Variants in MEIG1 observed in about 807,000 individuals in gnomAD.
The protein encoded by MEIG1 is meiosis expressed gene 1 protein homolog.
Under a neutral mutation model 11.3 loss-of-function variants are expected in MEIG1, and 12 were observed. The ratio of observed to expected loss-of-function variants is 1.07; its 90% CI spans 0.68 to 1.73. The LOEUF (loss-of-function observed/expected upper bound fraction) is 1.73. Among genes scored for constraint, MEIG1 ranks in the 40% most tolerant of loss-of-function variants. The pLI is 0.00. For synonymous variants in MEIG1, 41 were observed against 33.2 expected (o/e 1.24, Z -0.81); for missense variants, 119 against 104.9 (o/e 1.13, Z -0.59).
chr10:14,962,580 G>A (rs1211051134), intron 1 of MEIG1, among the ~76,000 whole-genome samples: 2 of 152,112 alleles, frequency 1.3e-5, no homozygotes, highest in Non-Finnish European at 2.9e-5. Flanking sequence ...AGTGACAAAA[G>A]GTTACATAGA....
chr10:14,956,421 A>AT (rs572736974), upstream of MEIG1, among the ~76,000 whole-genome samples: 556 of 82,274 alleles, frequency 6.8e-3, no homozygotes, highest in African/African-American at 0.024. Context: ...TCTACTAAAA[A>AT]TAAAAAAAAA....
downstream of MEIG1, among the ~76,000 whole-genome samples, chr10:14,974,478 C>A (rs1413360051): frequency 6.6e-6 from 1 of 152,094 alleles, no homozygotes; most frequent in Admixed American, 6.5e-5. Context: ...CTCTCCACTA[C>A]GTGACCATCC....
rs770373262 is a variant in MEIG1, at chr10:14,972,509, G to T, written c.139-4G>T. On this transcript the variant is annotated splice_region_variant and splice_polypyrimidine_tract_variant and intron_variant, in intron 2 of 2. Coordinates refer to ENST00000407572, the MANE Select transcript of MEIG1 (RefSeq NM_001080836.3). ...ACGTTTGTACTCTGGTTCTTGATGTGCAGGTAGATCGTTGGCCGGAGACAG... is the reference window on the plus strand; with the variant it reads ...ACGTTTGTACTCTGGTTCTTGATGTTCAGGTAGATCGTTGGCCGGAGACAG... 13 of 1,613,848 alleles carry T rather than the reference G, an allele frequency of 8.1e-6. No homozygotes were observed. Among genetic ancestry groups the T allele is most frequent in the Non-Finnish European group, 8.5e-7 (1 of 1,179,928 alleles).
At chr10:14,973,769 C>CAAAAAAAAA (rs59507280), downstream of MEIG1, among the ~76,000 whole-genome samples, 1 of 90,458 alleles carries the variant, frequency 1.1e-5, no homozygotes, top group Non-Finnish European at 2.1e-5. Flanking sequence ...GACTCCATCT[C>CAAAAAAAAA]AAAAAAAAAA....
upstream of MEIG1, among the ~76,000 whole-genome samples, chr10:14,957,337 C>A (rs368613994): frequency 4.6e-5 from 7 of 152,202 alleles, no homozygotes; most frequent in African/African-American, 1.4e-4. Context: ...AGACACTGTG[C>A]TCTCTGACAA....
intron 2 of MEIG1, chr10:14,987,172 C>A (rs1291855933): frequency 5.4e-6 from 5 of 933,398 alleles, no homozygotes; most frequent in Admixed American, 4.1e-5. Flanking sequence ...CTCTGCTATG[C>A]GACTGCATGT....
chr10:14,974,537 G>A (rs1589213094), downstream of MEIG1, among the ~76,000 whole-genome samples: 7 of 152,154 alleles, frequency 4.6e-5, no homozygotes, highest in Admixed American at 2.6e-4. Flanking sequence ...TTGGATCCCC[G>A]TTTTGGGTCG....
intron 2 of MEIG1, among the ~76,000 whole-genome samples, chr10:14,968,121 A>C (rs1020568087): frequency 6.6e-6 from 1 of 152,166 alleles, no homozygotes; most frequent in African/African-American, 2.4e-5. Flanking sequence ...TAATGTGTAG[A>C]TTTTGCAGAT....
intron 1 of MEIG1, among the ~76,000 whole-genome samples, chr10:14,965,515 C>T (rs1382409990): frequency 1.3e-5 from 2 of 152,116 alleles, no homozygotes; most frequent in Non-Finnish European, 2.9e-5. Flanking sequence ...CATTTTCTCA[C>T]ATTAGTTCAT....
In MEIG1 at chr10:14,985,804, A is replaced by C. The variant is rs142884346; in HGVS notation, n.67-992A>C. On this transcript the variant is annotated intron_variant and non_coding_transcript_variant, in intron 1 of 2. Coordinates refer to the MEIG1 transcript ENST00000467536. The stretch of plus-strand genomic sequence containing the variant: ...TTTGTAATCCCCTAGAGAGATATTA[A>C]TTCAAATATCACAGTGGATGTACAC... 8.7e-3 allele frequency among the ~76,000 whole-genome samples: 1,326 copies of C among 152,160 alleles called. 23 individuals carry two copies. The highest frequency in any genetic ancestry group is 0.031 in the African/African-American group (1,267 of 41,490).
chr10:14,954,431 C>G, upstream of MEIG1: 1 of 305,008 alleles, frequency 3.3e-6, no homozygotes, highest in East Asian at 8.0e-5. Context: ...TTCTTCGTTC[C>G]GCTTCCTGCT....
Position 14,959,483 on chromosome 10 carries a change from C to A in MEIG1, c.-104C>A, listed in dbSNP as rs1842986001. ...TAGAGAACGCAAGCACCCACGCCCG[C>A]CTGCAAGCTCCCGGGCGCCCCCGGC... On this transcript the variant is annotated 5_prime_UTR_variant, in exon 1 of 3. Coordinates refer to ENST00000407572, the MANE Select transcript of MEIG1 (RefSeq NM_001080836.3). The A allele has an allele frequency of 6.6e-6, 1 of 152,626 alleles. No homozygotes were observed. The highest frequency in any genetic ancestry group is 2.4e-5 in the African/African-American group (1 of 41,470). The allele number at this position is 152,626 out of a possible 1,614,324, so 9.5% of individuals were successfully genotyped here. A position where few individuals can be genotyped will look rare whatever the true frequency, so the allele number is the denominator to read the frequency against.
Position 14,966,528 on chromosome 10 carries a change from G to C in MEIG1, c.60G>C (p.Glu20Asp). The C allele has an allele frequency of 6.2e-7, 1 of 1,612,870 alleles. No homozygotes were observed. Among genetic ancestry groups the C allele is most frequent in the Non-Finnish European group, 8.5e-7 (1 of 1,179,460 alleles). The stretch of plus-strand genomic sequence containing the variant: ...GTCATGCCAAAAAATGGTCAGAAGA[G>C]ATAGAAAATCTGTACAGATTTCAAC... ...SVSHAKKWSE[E>D]IENLYRFQQA... The change falls in exon 2 of 3, where the codon GAG becomes GAC. Residue 20 changes from glutamate (E) to aspartate (D), a missense_variant. Transcript: ENST00000407572.
At chr10:14,976,005 A>C (rs756234896), downstream of MEIG1, among the ~76,000 whole-genome samples, 13 of 152,212 alleles carry the variant, frequency 8.5e-5, no homozygotes, top group South Asian at 2.1e-4. Context: ...ACTGACAATA[A>C]CGTCAACACG....
intron 1 of MEIG1, among the ~76,000 whole-genome samples, chr10:14,962,006 C>G (rs1257328468): frequency 6.6e-6 from 1 of 151,914 alleles, no homozygotes; most frequent in Non-Finnish European, 1.5e-5. Context: ...GGTCTCACTA[C>G]GTTGCCCAGG....
intron 1 of MEIG1, among the ~76,000 whole-genome samples, chr10:14,965,753 A>T (rs192485636): frequency 6.6e-6 from 1 of 151,334 alleles, no homozygotes; most frequent in East Asian, 2.0e-4. Context: ...ATGGTGGTGG[A>T]TATTTTGACA....
intron 1 of MEIG1, among the ~76,000 whole-genome samples, chr10:14,965,700 G>C (rs779773548): frequency 9.3e-6 from 1 of 107,882 alleles, no homozygotes; most frequent in Non-Finnish European, 2.0e-5. Context: ...GAGAGAGAGA[G>C]AGAGAGAGAG....
Position 14,972,573 on chromosome 10 carries a change from T to C in MEIG1, c.199T>C (p.Tyr67His). ...KKLQRRDNTF[Y>H]YYNKQRECDD... ...ACTTCAGAGAAGGGACAATACGTTC[T>C]ATTACTACAACAAACAGAGGGAATG... is the stretch of plus-strand genomic sequence containing the variant. The change falls in exon 3 of 3, where the codon TAT becomes CAT. Residue 67 changes from tyrosine (Y) to histidine (H), a missense_variant. Coordinates refer to ENST00000407572, the MANE Select transcript of MEIG1 (RefSeq NM_001080836.3). The C allele has an allele frequency of 6.2e-7, 1 of 1,614,034 alleles. No homozygotes were observed. The highest frequency in any genetic ancestry group is 8.5e-7 in the Non-Finnish European group (1 of 1,179,948).
intron 2 of MEIG1, among the ~76,000 whole-genome samples, chr10:14,967,996 A>C (rs1229699442): frequency 6.6e-6 from 1 of 152,220 alleles, no homozygotes; most frequent in East Asian, 1.9e-4. Context: ...CTGTATTGTA[A>C]AATATGACAT....
Sources: allele counts gnomAD v4.1 joint callset (sites outside exome capture counted in the v4.1 genomes callset), GRCh38; gene constraint gnomAD v4.1.1; transcripts MANE v1.5; gene names NCBI Gene and HGNC (gene_info 2026-07-23, HGNC 2026-07-21).